The following TEF variants were observed in gnomAD, a reference collection of about 807,000 sequenced individuals.
TEF encodes thyrotroph embryonic factor.
A neutral mutation model predicts 20.8 loss-of-function variants in TEF; 3 were observed. The observed-to-expected ratio is 0.14, with a 90% confidence interval of 0.07 to 0.37. The LOEUF (loss-of-function observed/expected upper bound fraction) is 0.37. Ranked by LOEUF, TEF falls within the 10% of genes least tolerant of loss-of-function variation. The pLI is 1.00. For missense variants in TEF, 296 were observed against 397.9 expected, an observed-to-expected ratio of 0.74 and a Z score of 2.18; for synonymous variants, 180 against 171.1, an observed-to-expected ratio of 1.05 and a Z score of -0.41.
At chr22:41,368,303 CCCCCAGGT>C (rs2036843954) in intron 1 of TEF, among the ~76,000 whole-genome samples, 1 of 152,120 alleles carries the variant, frequency 6.6e-6, no homozygotes, top group Non-Finnish European at 1.5e-5. Context: ...TCAGAGGTCA[CCCCCAGGT>C]CCCCAGGGCT....
chr22:41,383,430 G>C (rs1231417700), intron 1 of TEF, among the ~76,000 whole-genome samples: 1 of 152,176 alleles, frequency 6.6e-6, no homozygotes, highest in Non-Finnish European at 1.5e-5. Flanking sequence ...GAAATTACCA[G>C]GTAATAACCA....
intron 1 of TEF, among the ~76,000 whole-genome samples, chr22:41,371,581 T>C (rs2036883771): frequency 6.6e-6 from 1 of 152,228 alleles, no homozygotes; most frequent in Non-Finnish European, 1.5e-5. Flanking sequence ...AGTTATCCCA[T>C]GTGAAAGTGT....
chr22:41,367,886 C>T (rs1002739266), intron 1 of TEF, among the ~76,000 whole-genome samples: 2 of 152,088 alleles, frequency 1.3e-5, no homozygotes, highest in African/African-American at 4.8e-5. Context: ...ACAGGGGGTC[C>T]TATTGAAAGA....
intron 2 of TEF, among the ~76,000 whole-genome samples, chr22:41,388,372 A>C (rs991940949): frequency 2.0e-5 from 3 of 151,576 alleles, no homozygotes; most frequent in African/African-American, 7.3e-5. Flanking sequence ...TGCAACCTCC[A>C]TCTCCCGGAT....
chr22:41,367,642 T>TCGAGGGGG (rs768254734), intron 1 of TEF: 24 of 1,542,160 alleles, frequency 1.6e-5, no homozygotes, highest in Admixed American at 7.9e-5. Flanking sequence ...GCCCAGGTAC[T>TCGAGGGGG]CGAGGGGGCG....
upstream of TEF, among the ~76,000 whole-genome samples, chr22:41,380,508 C>G: frequency 6.6e-6 from 1 of 152,308 alleles, no homozygotes; most frequent in South Asian, 2.1e-4. Flanking sequence ...CTGTGGGTGT[C>G]TGGATCATGC....
intron 1 of TEF, among the ~76,000 whole-genome samples, chr22:41,386,037 G>A (rs1262777267): frequency 6.6e-6 from 1 of 152,036 alleles, no homozygotes; most frequent in African/African-American, 2.4e-5. Context: ...ATGTTGGCCT[G>A]GCTGGTCTCA....
At chr22:41,382,352 A>T in intron 1 of TEF, 151 bp downstream of exon 1, 2 of 540,090 alleles carry the variant, frequency 3.7e-6, no homozygotes, top group Non-Finnish European at 5.0e-6. Flanking sequence ...CTGGAGGACG[A>T]GGCCGGGGGG....
In TEF at chr22:41,381,986, C is replaced by A; in HGVS notation, c.-59C>A. 1 of 1,227,458 alleles carries A rather than the reference C, an allele frequency of 8.1e-7. No individual in the cohort carries two copies. Among genetic ancestry groups the A allele is most frequent in the Non-Finnish European group, 1.0e-6 (1 of 985,734 alleles). 76.0% of individuals were successfully genotyped at this position (1,227,458 alleles called of 1,614,324 possible). ...GCAGCTGCAGCGGGTCGCACGGCTC[C>A]GGCCCATCTCGGGGGGCGGGCGGGG... On this transcript the variant is annotated 5_prime_UTR_variant, in exon 1 of 4. Transcript: ENST00000266304.
At chr22:41,372,203 A>G (rs941176499) in intron 1 of TEF, among the ~76,000 whole-genome samples, 1 of 152,178 alleles carries the variant, frequency 6.6e-6, no homozygotes, top group African/African-American at 2.4e-5. Context: ...GGCTACCCTC[A>G]GGGCCAGTCT....
intron 1 of TEF, among the ~76,000 whole-genome samples, chr22:41,373,366 C>A (rs1319295331): frequency 1.3e-5 from 2 of 152,172 alleles, no homozygotes; most frequent in African/African-American, 4.8e-5. Context: ...ATTTTTGACT[C>A]CCCAAAAGCT....
At chr22:41,372,973 A>C (rs2145962529) in intron 1 of TEF, among the ~76,000 whole-genome samples, 1 of 152,272 alleles carries the variant, frequency 6.6e-6, no homozygotes, top group Non-Finnish European at 1.5e-5. Flanking sequence ...AGCAAGGGGG[A>C]GAGGGGTACC....
rs1330810098 is a variant in TEF at position 41,397,003 on chromosome 22, G to A, written c.*1043G>A. ...TCCCTTTTTTCTTGCTCTGCTCACCGGTGTGGCCTGGGCTGGAGTGCACTC... is the reference window on the plus strand; with the variant it reads ...TCCCTTTTTTCTTGCTCTGCTCACCAGTGTGGCCTGGGCTGGAGTGCACTC... On this transcript the variant is annotated 3_prime_UTR_variant, in exon 4 of 4. Coordinates refer to ENST00000266304, the MANE Select transcript of TEF (RefSeq NM_003216.4). 3 of 398,684 alleles carry A rather than the reference G, an allele frequency of 7.5e-6. No individual in the cohort carries two copies. Among genetic ancestry groups the A allele is most frequent in the Non-Finnish European group, 8.8e-6 (2 of 226,276 alleles). 24.7% of individuals were successfully genotyped at this position (398,684 alleles called of 1,614,324 possible).
At chr22:41,367,686 C>G in intron 1 of TEF, 2 of 1,349,792 alleles carry the variant, frequency 1.5e-6, no homozygotes, top group East Asian at 2.6e-5. Flanking sequence ...GCAGGACAGG[C>G]ATCTCCAAGC....
intron 2 of TEF, among the ~76,000 whole-genome samples, chr22:41,392,670 C>CA (rs920294546): frequency 0.056 from 2,176 of 38,560 alleles, 169 homozygotes; most frequent in African/African-American, 0.19. Flanking sequence ...TGAGACTCTT[C>CA]AAAAAAAAAA....
intron 1 of TEF, among the ~76,000 whole-genome samples, chr22:41,384,467 C>T (rs1258345914): frequency 6.6e-6 from 1 of 152,084 alleles, no homozygotes; most frequent in Non-Finnish European, 1.5e-5. Context: ...CTCCTTCCTC[C>T]CAGAAAACCT....
chr22:41,395,702 CGTG>C, intron 3 of TEF, 40 bp from the exon 4 acceptor site: 1 of 1,596,530 alleles, frequency 6.3e-7, no homozygotes, highest in Non-Finnish European at 8.6e-7. Context: ...TGGGTTCTCT[CGTG>C]GGGAAAGACG....
rs564949873 is a variant in TEF at position 41,389,250 on chromosome 22, A to C, written c.475+1582A>C. 8.5e-5 allele frequency among the ~76,000 whole-genome samples: 13 copies of C among 152,152 alleles called. No individual in the cohort carries two copies. The South Asian group carries it at 2.7e-3, about 32-fold the overall frequency. ...CCCATCTCTACTAAAAAGTACAAAAAATTAGCCGGGTGTGGTGGCGGGTGC... is the reference window on the plus strand; with the variant it reads ...CCCATCTCTACTAAAAAGTACAAAACATTAGCCGGGTGTGGTGGCGGGTGC... On this transcript the variant is annotated intron_variant, in intron 2 of 3. Coordinates refer to ENST00000266304, the MANE Select transcript of TEF (RefSeq NM_003216.4).
chr22:41,397,411 C>T lies in TEF; in HGVS notation c.*1451C>T, dbSNP rs1481547339. On this transcript the variant is annotated 3_prime_UTR_variant, in exon 4 of 4. Coordinates refer to ENST00000266304, the MANE Select transcript of TEF (RefSeq NM_003216.4). ...CCCCTGAGATGGGTGTGTTTATTTG[C>T]TCAGGGCGGGCAGCCTATGGTGAAG... is the stretch of plus-strand genomic sequence containing the variant. The T allele has an allele frequency of 1.1e-5, 3 of 282,258 alleles. No homozygotes were observed. The highest frequency in any genetic ancestry group is 2.0e-5 in the Non-Finnish European group (3 of 152,450). 17.5% of individuals were successfully genotyped at this position (282,258 alleles called of 1,614,324 possible).
Sources: gnomAD v4.1 joint callset for allele counts (sites outside exome capture counted in the v4.1 genomes callset) on GRCh38, gnomAD v4.1.1 for gene constraint, MANE v1.5 for transcripts, NCBI Gene and HGNC (gene_info 2026-07-23, HGNC 2026-07-21) for gene names.